SLC26A4: variants seen among roughly 807,000 people sequenced by gnomAD.
SLC26A4 encodes solute carrier family 26 member 4, also known as pendrin.
SLC26A4 carries 93 observed loss-of-function variants against 90.4 expected under a neutral mutation model. The observed-to-expected ratio is 1.03, with a 90% CI of 0.87 to 1.22. The LOEUF (loss-of-function observed/expected upper bound fraction) is 1.22, where lower values mean the gene tolerates loss of function less well. SLC26A4 is among the 50% of genes most tolerant of loss of function. SLC26A4 has a pLI of 0.00. For missense variants in SLC26A4, 1,127 were observed against 946.2 expected, an observed-to-expected ratio of 1.19 and a Z score of -2.51; for synonymous variants, 393 against 354.6, an observed-to-expected ratio of 1.11 and a Z score of -1.22.
At chr7:107,688,396 C>A (rs1791477171) in intron 8 of SLC26A4, among the ~76,000 whole-genome samples, 1 of 152,076 alleles carries the variant, frequency 6.6e-6, no homozygotes, top group African/African-American at 2.4e-5. Context: ...TTTGAGAGAA[C>A]CTCGTGGTAT....
chr7:107,682,013 C>G (rs530742287), intron 6 of SLC26A4, among the ~76,000 whole-genome samples: 1 of 149,228 alleles, frequency 6.7e-6, no homozygotes, highest in Admixed American at 6.8e-5. Context: ...AGATGCCTGC[C>G]TGTAGCTCCA....
rs115572711 is a variant in SLC26A4, at chr7:107,708,702, T to A, written c.2090-1352T>A. ...GACCCCGTCTCTATTATTTTTTTTT[T>A]AAAAAACAAAAAGCATAAAAACTCT... is the stretch of plus-strand genomic sequence containing the variant. On this transcript the variant is annotated intron_variant, in intron 18 of 20. Coordinates refer to ENST00000644269, the MANE Select transcript of SLC26A4 (RefSeq NM_000441.2). 9.4e-3 allele frequency among the ~76,000 whole-genome samples: 1,349 copies of A among 144,172 alleles called. 9 individuals carry two copies. The highest frequency in any genetic ancestry group is 0.028 in the African/African-American group (1,082 of 39,094). The allele number at this position is 144,172 out of a possible 152,430, so 94.6% of individuals were successfully genotyped here. A position where few individuals can be genotyped will look rare whatever the true frequency, so the allele number is the denominator to read the frequency against.
At position 107,704,396 on chromosome 7, in the gene SLC26A4, A is replaced by G. The variant is rs1463859672; in HGVS notation, c.2089+11A>G. 2 of 1,077,214 alleles carry G rather than the reference A, an allele frequency of 1.9e-6. No individual in the cohort carries two copies. The highest frequency in any genetic ancestry group is 1.5e-5 in the African/African-American group (1 of 64,814). 66.7% of individuals were successfully genotyped at this position (1,077,214 alleles called of 1,614,324 possible). A position where few individuals can be genotyped will look rare whatever the true frequency, so the allele number is the denominator to read the frequency against. On this transcript the variant is annotated intron_variant, in intron 18 of 20. Transcript: ENST00000644269. ...TTGCATCACTTCAAGGTAAATACAT[A>G]TATCTACATATCTACCTGTAAGACT...
intron 13 of SLC26A4, among the ~76,000 whole-genome samples, chr7:107,697,796 G>C (rs777478933): frequency 6.6e-6 from 1 of 152,182 alleles, no homozygotes; most frequent in Non-Finnish European, 1.5e-5. Flanking sequence ...TGTTGTGCAC[G>C]TGCAAGTATG....
intron 2 of SLC26A4, among the ~76,000 whole-genome samples, chr7:107,662,780 TTTCTTTCATCTG>T (rs1790596817): frequency 6.6e-6 from 1 of 152,224 alleles, no homozygotes; most frequent in Non-Finnish European, 1.5e-5. Context: ...TTTTGATATT[TTTCTTTCATCTG>T]TAGGTCACTG....
At chr7:107,700,837 T>C (rs1310571467) in intron 15 of SLC26A4, among the ~76,000 whole-genome samples, 1 of 151,908 alleles carries the variant, frequency 6.6e-6, no homozygotes, top group Non-Finnish European at 1.5e-5. Flanking sequence ...CTAAAGAGGG[T>C]ATTTTGGGGT....
intron 18 of SLC26A4, 122 bp from the exon 19 acceptor site, chr7:107,709,932 G>A: frequency 1.3e-6 from 1 of 757,264 alleles, no homozygotes; most frequent in Non-Finnish European, 2.3e-6. Context: ...GGACGCGGAG[G>A]TTGCAGTGAG....
chr7:107,690,941 G>A (rs959680045), intron 10 of SLC26A4, among the ~76,000 whole-genome samples: 1 of 151,852 alleles, frequency 6.6e-6, no homozygotes, highest in African/African-American at 2.4e-5. Context: ...GGACACAGTC[G>A]AAGAGACCAC....
At chr7:107,670,745 A>T (rs1015499981) in intron 3 of SLC26A4, among the ~76,000 whole-genome samples, 1 of 152,130 alleles carries the variant, frequency 6.6e-6, no homozygotes, top group Non-Finnish European at 1.5e-5. Flanking sequence ...ATGACTCAAG[A>T]GTGAAAAGGC....
At chr7:107,683,687 C>A in intron 8 of SLC26A4, 150 bp downstream of exon 8, 1 of 687,922 alleles carries the variant, frequency 1.5e-6, no homozygotes, top group Non-Finnish European at 2.5e-6. Flanking sequence ...AACCATAAGA[C>A]AAACAGTATG....
At chr7:107,679,978 ATCT>A (rs1416424511) in intron 6 of SLC26A4, among the ~76,000 whole-genome samples, 5 of 132,336 alleles carry the variant, frequency 3.8e-5, no homozygotes, top group African/African-American at 5.9e-5. Flanking sequence ...ATATAATATA[ATCT>A]TATTATATAA....
chr7:107,662,668 C>T (rs1790593513), intron 2 of SLC26A4, among the ~76,000 whole-genome samples: 1 of 152,152 alleles, frequency 6.6e-6, no homozygotes, highest in Admixed American at 6.5e-5. Context: ...CTAAAAATAA[C>T]CTCCTAATAT....
In SLC26A4 at chr7:107,689,093, G is replaced by A; in HGVS notation, c.1042G>A (p.Glu348Lys). 6.2e-7 allele frequency: 1 copy of A among 1,613,932 alleles called. No homozygotes were observed. The highest frequency in any genetic ancestry group is 8.5e-7 in the Non-Finnish European group (1 of 1,179,868). The change falls in exon 9 of 21, where the codon GAG (glutamate) becomes AAG (lysine). Residue 348 changes from glutamate (E) to lysine (K), a missense_variant. Physicochemically the swap from Glu to Lys is moderately conservative, Grantham distance 56 (BLOSUM62 1). Transcript: ENST00000644269. ...ACTTCCACCTGTGAGCTTGTTCTCG[G>A]AGATGCTGGCTGCATCATTTTCCAT... ...PELPPVSLFS[E>K]MLAASFSIAV...
intron 20 of SLC26A4, among the ~76,000 whole-genome samples, chr7:107,714,448 C>CTGCAT (rs898100215): frequency 6.6e-6 from 1 of 152,154 alleles, no homozygotes; most frequent in Non-Finnish European, 1.5e-5. Flanking sequence ...ATCACAGTAC[C>CTGCAT]TGCATCTTGG....
At chr7:107,664,041 A>G (rs1181979724) in intron 3 of SLC26A4, among the ~76,000 whole-genome samples, 3 of 152,188 alleles carry the variant, frequency 2.0e-5, no homozygotes, top group Non-Finnish European at 4.4e-5. Context: ...GTTTCAAGTC[A>G]AGATTTAAAA....
At chr7:107,684,520 A>C (rs532677859) in intron 8 of SLC26A4, among the ~76,000 whole-genome samples, 44 of 152,270 alleles carry the variant, frequency 2.9e-4, no homozygotes, top group Admixed American at 2.6e-3. Flanking sequence ...ATTTCCTCTA[A>C]TATCTGTTCC....
intron 20 of SLC26A4, among the ~76,000 whole-genome samples, chr7:107,714,207 T>G (rs1419309907): frequency 6.6e-6 from 1 of 152,146 alleles, no homozygotes; most frequent in Non-Finnish European, 1.5e-5. Context: ...ATTACAGGCA[T>G]GAGCCACCAC....
At chr7:107,704,012 A>C (rs183445310) in intron 17 of SLC26A4, among the ~76,000 whole-genome samples, 25 of 152,270 alleles carry the variant, frequency 1.6e-4, no homozygotes, top group Admixed American at 1.0e-3. Context: ...AGCCACACCC[A>C]TATCTCTTCT....
At chr7:107,678,681 T>A (rs1441729392) in intron 6 of SLC26A4, among the ~76,000 whole-genome samples, 2 of 151,946 alleles carry the variant, frequency 1.3e-5, no homozygotes, top group Non-Finnish European at 2.9e-5. Context: ...GCCACCCAAG[T>A]TGGAAAAGGT....
Sources: gnomAD v4.1 joint callset for allele counts (sites outside exome capture counted in the v4.1 genomes callset) on GRCh38, gnomAD v4.1.1 for gene constraint, MANE v1.5 for transcripts, NCBI Gene and HGNC (gene_info 2026-07-23, HGNC 2026-07-21) for gene names.